Variants in HEPH observed in about 807,000 individuals in gnomAD.
HEPH encodes hephaestin.
Under a neutral mutation model 80.8 loss-of-function variants are expected in HEPH, and 69 were observed. The ratio of observed to expected loss-of-function variants is 0.85; its 90% CI spans 0.70 to 1.04. The LOEUF (loss-of-function observed/expected upper bound fraction) is 1.04, where lower values mean the gene tolerates loss of function less well. Ranked by LOEUF, HEPH falls within the 50% of genes least tolerant of loss-of-function variation. HEPH has a pLI of 0.00. For missense variants in HEPH, 1,115 were observed against 891.3 expected, an observed-to-expected ratio of 1.25 and a Z score of -3.20; for synonymous variants, 431 against 322.8, an observed-to-expected ratio of 1.34 and a Z score of -3.60.
At chrX:66,255,800 G>C (rs2091160107) in intron 16 of HEPH, among the ~76,000 whole-genome samples, 1 of 111,187 alleles carries the variant, frequency 9.0e-6, no homozygotes, top group Admixed American at 9.6e-5. Context: ...TGATGGAGAG[G>C]GCATTGCAGG....
intron 13 of HEPH, 110 bp from the exon 14 acceptor site, chrX:66,207,085 T>A (rs748513893): frequency 1.7e-6 from 1 of 586,119 alleles, no homozygotes; most frequent in African/African-American, 2.5e-5. Flanking sequence ...CCCCTTTTTT[T>A]TTTCTGTCTG....
intron 15 of HEPH, among the ~76,000 whole-genome samples, chrX:66,245,890 G>T (rs759995867): frequency 8.9e-6 from 1 of 112,430 alleles, no homozygotes; most frequent in African/African-American, 3.2e-5. Context: ...TCTACTCCTT[G>T]GTGTTTAAAT....
chrX:66,200,597 CAG>C lies in HEPH; in HGVS notation c.1923_1924del (p.Val642GlyfsTer12). ...AGGCTGGACATGTGCAAGGGTGACA[CAG>C]TGGCCTGGCACCTGCTCGGCCTGGG... On this transcript the variant is annotated frameshift_variant, in exon 12 of 21. Transcript: ENST00000343002. LOFTEE classifies it high-confidence loss of function. 1 of 1,209,834 alleles carries C rather than the reference CAG, an allele frequency of 8.3e-7. No homozygotes were observed. The highest frequency in any genetic ancestry group is 1.8e-5 in the South Asian group (1 of 56,473).
intron 20 of HEPH, among the ~76,000 whole-genome samples, chrX:66,264,795 TTA>T (rs1485287737): frequency 9.5e-6 from 1 of 105,409 alleles, no homozygotes; most frequent in Non-Finnish European, 1.9e-5. Flanking sequence ...CTAAATTATT[TTA>T]TATATATATT....
intron 13 of HEPH, 117 bp from the exon 14 acceptor site, chrX:66,207,078 C>G (rs943127420): frequency 9.1e-6 from 4 of 441,549 alleles, no homozygotes; most frequent in Non-Finnish European, 1.4e-5. Flanking sequence ...GGTCCCCCCC[C>G]TTTTTTTTTT....
intron 15 of HEPH, among the ~76,000 whole-genome samples, chrX:66,229,996 A>G (rs1180380573): frequency 1.8e-4 from 17 of 93,890 alleles, no homozygotes; most frequent in African/African-American, 2.4e-4. Flanking sequence ...TCATTGTTCA[A>G]TTCCCACCTA....
intron 15 of HEPH, among the ~76,000 whole-genome samples, chrX:66,227,630 C>T (rs2089945599): frequency 8.9e-6 from 1 of 111,770 alleles, no homozygotes; most frequent in Non-Finnish European, 1.9e-5. Context: ...ATACCAGTAC[C>T]CAGCACCTTC....
intron 20 of HEPH, among the ~76,000 whole-genome samples, chrX:66,264,106 A>G (rs1196702147): frequency 1.8e-5 from 2 of 109,926 alleles, no homozygotes; most frequent in African/African-American, 3.3e-5. Context: ...AAGCAAGGAG[A>G]GTAGAAGGGC....
intron 2 of HEPH, among the ~76,000 whole-genome samples, chrX:66,171,573 G>T (rs186123917): frequency 3.7e-4 from 41 of 111,862 alleles, no homozygotes; most frequent in African/African-American, 1.2e-3. Flanking sequence ...TTCCAAAGTT[G>T]ATTGTAATAT....
intron 15 of HEPH, among the ~76,000 whole-genome samples, chrX:66,210,829 T>A (rs1394688799): frequency 9.0e-6 from 1 of 111,511 alleles, no homozygotes; most frequent in Non-Finnish European, 1.9e-5. Flanking sequence ...ACCAAGTTTT[T>A]GGATTAAGCA....
At chrX:66,199,119 AT>A in intron 11 of HEPH, 91 bp downstream of exon 11, 1 of 910,660 alleles carries the variant, frequency 1.1e-6, no homozygotes, top group East Asian at 3.1e-5. Context: ...GAAAACACTG[AT>A]TTTATTGGTC....
rs1004893880 is a variant in HEPH, at chrX:66,241,750, C to G, written c.2564-13285C>G. ...TTTGGGACATAAACTTGACATTCAA[C>G]CAAATTTCATTCACAATAGCCACAA... On this transcript the variant is annotated intron_variant, in intron 15 of 20. Transcript: ENST00000343002. 1.8e-4 allele frequency among the ~76,000 whole-genome samples: 20 copies of G among 111,058 alleles called. No homozygotes were observed. The East Asian group carries it at 5.7e-3, about 31-fold the overall frequency.
chrX:66,218,774 C>T (rs1090844), intron 15 of HEPH, among the ~76,000 whole-genome samples: 31,731 of 109,642 alleles, frequency 0.29, 4,239 homozygotes, highest in African/African-American at 0.51. Context: ...CTGCATGCAC[C>T]GGTAATTAGA....
At chrX:66,212,861 A>T (rs1271673793) in intron 15 of HEPH, among the ~76,000 whole-genome samples, 1 of 110,359 alleles carries the variant, frequency 9.1e-6, no homozygotes, top group Non-Finnish European at 1.9e-5. Flanking sequence ...AAGTTTTGTG[A>T]AGAATGACAT....
At position 66,199,478 on chromosome X, in the gene HEPH, T is replaced by C. The variant is rs780321861; in HGVS notation, c.1864+450T>C. The stretch of plus-strand genomic sequence containing the variant: ...TGCTCCATCTCTTGATTCCCATTAC[T>C]AGTTAGTTTCATCATTTGGAAAAAG... On this transcript the variant is annotated intron_variant, in intron 11 of 20. Coordinates refer to ENST00000343002, the MANE Select transcript of HEPH (RefSeq NM_001367233.3). Among the ~76,000 whole-genome samples the C allele has an allele frequency of 1.6e-4, 18 of 111,527 alleles. No homozygotes were observed. The South Asian group carries it at 6.5e-3, about 40-fold the overall frequency.
intron 13 of HEPH, 77 bp downstream of exon 13, chrX:66,203,654 G>A (rs1346077844): frequency 1.1e-6 from 1 of 893,053 alleles, no homozygotes; most frequent in South Asian, 2.4e-5. Context: ...TCTGAGATGA[G>A]GAGACTCTTA....
chrX:66,232,315 C>G (rs955777873), intron 15 of HEPH, among the ~76,000 whole-genome samples: 75 of 111,243 alleles, frequency 6.7e-4, no homozygotes, highest in Non-Finnish European at 9.4e-4. Context: ...GGAGGATTCC[C>G]TCTTTTTCTA....
At chrX:66,217,067 C>T (rs747906954) in intron 15 of HEPH, among the ~76,000 whole-genome samples, 14 of 110,361 alleles carry the variant, frequency 1.3e-4, no homozygotes, top group South Asian at 7.8e-4. Context: ...AATTGGTGTT[C>T]GGGAGGAAGA....
At chrX:66,217,411 G>A (rs1000810444) in intron 15 of HEPH, among the ~76,000 whole-genome samples, 1 of 111,570 alleles carries the variant, frequency 9.0e-6, no homozygotes, top group African/African-American at 3.3e-5. Flanking sequence ...TATCAGCCAA[G>A]AATTTTTTAA....
Sources: gnomAD v4.1 joint callset for allele counts (sites outside exome capture counted in the v4.1 genomes callset) on GRCh38, gnomAD v4.1.1 for gene constraint, MANE v1.5 for transcripts, NCBI Gene and HGNC (gene_info 2026-07-23, HGNC 2026-07-21) for gene names.